The following FHIT variants were observed in gnomAD, a reference collection of about 807,000 sequenced individuals.
FHIT encodes fragile histidine triad diadenosine triphosphatase.
FHIT carries 19 observed loss-of-function variants against 17.9 expected under a neutral mutation model. The ratio of observed to expected loss-of-function variants is 1.06; its 90% CI spans 0.74 to 1.56. The LOEUF is 1.56. FHIT is among the 40% of genes most tolerant of loss of function. FHIT has a pLI of 0.00. For synonymous variants in FHIT, 81 were observed against 69.7 expected, an observed-to-expected ratio of 1.16 and a Z score of -0.81; for missense variants, 248 against 189.2, an observed-to-expected ratio of 1.31 and a Z score of -1.82.
At chr3:60,603,816 C>T (rs542343346) in intron 4 of FHIT, among the ~76,000 whole-genome samples, 13 of 149,884 alleles carry the variant, frequency 8.7e-5, no homozygotes, top group African/African-American at 3.1e-4. Flanking sequence ...CACTATAAGG[C>T]TCTGTTTCAT....
Position 60,440,602 on chromosome 3 carries a change from G to C in FHIT, c.103+96258C>G, listed in dbSNP as rs79253987. On this transcript the variant is annotated intron_variant, in intron 5 of 9. Transcript: ENST00000492590. Reference sequence around the variant, plus strand: ...CCTCAGCGTTAAAAACTTGCCCAAAGTCACAGGTCATGTAAACTCATTTAT... The same window carrying C: ...CCTCAGCGTTAAAAACTTGCCCAAACTCACAGGTCATGTAAACTCATTTAT... 9.2e-3 allele frequency among the ~76,000 whole-genome samples: 1,392 copies of C among 152,130 alleles called. 14 individuals carry two copies. Among genetic ancestry groups the C allele is most frequent in the East Asian group, 0.028 (145 of 5,158 alleles).
At chr3:60,571,495 GA>G (rs1276853055) in intron 4 of FHIT, among the ~76,000 whole-genome samples, 2 of 152,030 alleles carry the variant, frequency 1.3e-5, no homozygotes, top group African/African-American at 4.8e-5. Flanking sequence ...GGCTTCTGAG[GA>G]GAATTTGAGA....
At chr3:60,566,713 T>C (rs1391174485) in intron 4 of FHIT, among the ~76,000 whole-genome samples, 8 of 152,194 alleles carry the variant, frequency 5.3e-5, no homozygotes, top group Admixed American at 1.3e-4. Flanking sequence ...GAAAACCCCA[T>C]TGTCTCAGCC....
chr3:60,516,675 A>G (rs2035171320), intron 5 of FHIT, among the ~76,000 whole-genome samples: 1 of 152,230 alleles, frequency 6.6e-6, no homozygotes. Context: ...TGCTAAATTA[A>G]TATTTATCAA....
intron 1 of FHIT, among the ~76,000 whole-genome samples, chr3:61,231,795 A>G (rs1025887259): frequency 1.4e-4 from 22 of 152,240 alleles, no homozygotes; most frequent in African/African-American, 5.3e-4. Context: ...AGTGCTATGG[A>G]AAAAAGAAAG....
intron 7 of FHIT, among the ~76,000 whole-genome samples, chr3:60,000,906 A>C (rs918247322): frequency 2.0e-5 from 3 of 152,062 alleles, no homozygotes; most frequent in African/African-American, 2.4e-5. Flanking sequence ...CTGGTCTTCA[A>C]TTATTTCCTA....
At chr3:60,601,744 A>C (rs1463010392) in intron 4 of FHIT, among the ~76,000 whole-genome samples, 4 of 152,192 alleles carry the variant, frequency 2.6e-5, no homozygotes, top group Non-Finnish European at 4.4e-5. Context: ...AACTGAAATT[A>C]AACAACAGTT....
At chr3:59,911,387 A>G (rs890911336) in intron 8 of FHIT, among the ~76,000 whole-genome samples, 8 of 152,234 alleles carry the variant, frequency 5.3e-5, no homozygotes, top group African/African-American at 1.9e-4. Context: ...GGTTGGGTGT[A>G]GACACAGTTC....
chr3:60,968,538 G>A (rs7372992), intron 3 of FHIT, among the ~76,000 whole-genome samples: 7,177 of 151,262 alleles, frequency 0.047, 395 homozygotes, highest in East Asian at 0.24. Flanking sequence ...TCAGCCTCCC[G>A]TGTAGCTGGG....
chr3:60,681,832 G>A (rs1553696957), intron 4 of FHIT, among the ~76,000 whole-genome samples: 29 of 152,138 alleles, frequency 1.9e-4, no homozygotes. Flanking sequence ...AGATAGCAGA[G>A]GCTGATTCAT....
At chr3:60,922,363 T>C (rs1162713938) in intron 3 of FHIT, among the ~76,000 whole-genome samples, 3 of 152,116 alleles carry the variant, frequency 2.0e-5, no homozygotes, top group South Asian at 4.1e-4. Context: ...GAAAAAGAAA[T>C]AAAAATGCAT....
chr3:60,757,637 C>T (rs188978771), intron 4 of FHIT, among the ~76,000 whole-genome samples: 73 of 152,190 alleles, frequency 4.8e-4, no homozygotes, highest in African/African-American at 1.7e-3. Flanking sequence ...GGTGCAGTGA[C>T]CAGGGTGGAC....
chr3:60,151,857 A>T (rs1230356662), intron 5 of FHIT, among the ~76,000 whole-genome samples: 1 of 151,946 alleles, frequency 6.6e-6, no homozygotes, highest in South Asian at 2.1e-4. Context: ...CCTAATACTC[A>T]CTATCCCCTT....
At chr3:60,522,110 T>TTG (rs1553640661) in intron 5 of FHIT, among the ~76,000 whole-genome samples, 3 of 150,244 alleles carry the variant, frequency 2.0e-5, no homozygotes, top group Non-Finnish European at 3.0e-5. Flanking sequence ...CCAGAAGTTT[T>TTG]TTTTTTTTTT....
intron 5 of FHIT, among the ~76,000 whole-genome samples, chr3:60,295,011 A>G (rs1017501677): frequency 2.0e-5 from 3 of 152,092 alleles, no homozygotes; most frequent in Non-Finnish European, 4.4e-5. Flanking sequence ...TTTTGTGTGG[A>G]TCCAAGTTTT....
intron 5 of FHIT, among the ~76,000 whole-genome samples, chr3:60,370,022 C>T (rs1700259009): frequency 6.6e-6 from 1 of 152,090 alleles, no homozygotes; most frequent in Non-Finnish European, 1.5e-5. Flanking sequence ...CTGTATTATC[C>T]TAATAGACAA....
chr3:60,442,945 T>G (rs1402132447), intron 5 of FHIT, among the ~76,000 whole-genome samples: 2 of 152,148 alleles, frequency 1.3e-5, no homozygotes, highest in Non-Finnish European at 2.9e-5. Flanking sequence ...CTCTTTTATT[T>G]CATTGAGCAG....
intron 3 of FHIT, among the ~76,000 whole-genome samples, chr3:60,994,865 A>C (rs1323420748): frequency 6.6e-6 from 1 of 152,224 alleles, no homozygotes; most frequent in Non-Finnish European, 1.5e-5. Context: ...GCTGAGCTCC[A>C]GCCAGTCGTT....
intron 2 of FHIT, among the ~76,000 whole-genome samples, chr3:61,044,826 T>C (rs2033704747): frequency 6.6e-6 from 1 of 152,140 alleles, no homozygotes; most frequent in South Asian, 2.1e-4. Context: ...GAGGCCAATA[T>C]CCAGCATTCT....
Sources: gnomAD v4.1 joint callset for allele counts (sites outside exome capture counted in the v4.1 genomes callset) on GRCh38, gnomAD v4.1.1 for gene constraint, MANE v1.5 for transcripts, NCBI Gene and HGNC (gene_info 2026-07-23, HGNC 2026-07-21) for gene names.